Variants in FGF14 observed in about 807,000 individuals in gnomAD.
FGF14 encodes fibroblast growth factor 14.
FGF14 carries 5 observed loss-of-function variants against 25.5 expected under a neutral mutation model. The observed-to-expected ratio is 0.20, with a 90% CI of 0.10 to 0.41. FGF14 has a LOEUF of 0.41. Among genes scored for constraint, FGF14 ranks in the 10% least tolerant of loss-of-function variants. The probability of loss-of-function intolerance (pLI) is 1.00; values close to 1 mark genes in which losing one functional copy is unlikely to be tolerated. For missense variants in FGF14, 222 were observed against 320.1 expected (o/e 0.69, Z 2.34); for synonymous variants, 138 against 118.3 (o/e 1.17, Z -1.08).
intron 1 of FGF14, among the ~76,000 whole-genome samples, chr13:102,102,885 C>G (rs568522200): frequency 6.6e-6 from 1 of 152,120 alleles, no homozygotes; most frequent in African/African-American, 2.4e-5. Flanking sequence ...CCTTTCTCCC[C>G]GCAGTATACT....
intron 1 of FGF14, 88 bp downstream of exon 1, chr13:101,916,365 C>A: frequency 1.3e-6 from 2 of 1,525,592 alleles, no homozygotes; most frequent in Non-Finnish European, 1.8e-6. Flanking sequence ...GCCGGGAAAA[C>A]CGAGGGAGGG....
chr13:101,801,352 AT>A (rs10712042), intron 3 of FGF14, among the ~76,000 whole-genome samples: 4,593 of 151,412 alleles, frequency 0.03, 226 homozygotes, highest in African/African-American at 0.1. Flanking sequence ...GATGTTGACA[AT>A]TTTTTTTTTT....
At chr13:102,359,410 TTATCA>T (rs1180593164) in intron 1 of FGF14, among the ~76,000 whole-genome samples, 1 of 152,194 alleles carries the variant, frequency 6.6e-6, no homozygotes. Context: ...TCTTTCCATA[TTATCA>T]TAATTTTTAG....
chr13:101,742,703 A>C (rs1279718456), intron 3 of FGF14, among the ~76,000 whole-genome samples: 1 of 152,164 alleles, frequency 6.6e-6, no homozygotes, highest in Non-Finnish European at 1.5e-5. Context: ...CAAAATCACT[A>C]AGTCAAAGGG....
chr13:102,005,914 G>A (rs2039758275), intron 1 of FGF14, among the ~76,000 whole-genome samples: 1 of 152,194 alleles, frequency 6.6e-6, no homozygotes, highest in African/African-American at 2.4e-5. Flanking sequence ...TAAAGCAAAT[G>A]AGAGCTTGTT....
intron 1 of FGF14, among the ~76,000 whole-genome samples, chr13:102,038,146 A>T (rs1357855842): frequency 1.3e-5 from 2 of 152,196 alleles, no homozygotes; most frequent in Non-Finnish European, 2.9e-5. Flanking sequence ...CCAAGTTTAG[A>T]AATGCTCATA....
At chr13:101,829,671 T>C (rs1039783726) in intron 3 of FGF14, among the ~76,000 whole-genome samples, 5 of 152,042 alleles carry the variant, frequency 3.3e-5, no homozygotes, top group African/African-American at 1.2e-4. Flanking sequence ...AATACCAGGA[T>C]CTGCCAGAGT....
intron 1 of FGF14, among the ~76,000 whole-genome samples, chr13:102,001,964 G>T (rs764880682): frequency 3.3e-5 from 5 of 152,166 alleles, no homozygotes; most frequent in African/African-American, 7.2e-5. Context: ...CCTGGCTGGT[G>T]CTACAGGCAC....
chr13:102,003,634 G>A (rs770427783), intron 1 of FGF14, among the ~76,000 whole-genome samples: 13 of 148,006 alleles, frequency 8.8e-5, no homozygotes, highest in Non-Finnish European at 1.5e-4. Flanking sequence ...TTTTTGTTTG[G>A]TTTGCTTGTT....
At chr13:102,384,195 A>T (rs533135877) in intron 1 of FGF14, among the ~76,000 whole-genome samples, 44 of 152,300 alleles carry the variant, frequency 2.9e-4, no homozygotes, top group African/African-American at 1.0e-3. Context: ...GGTAGGAAAA[A>T]ATATTTATAA....
chr13:102,393,542 G>A (rs1229528595), intron 1 of FGF14, among the ~76,000 whole-genome samples: 2 of 152,116 alleles, frequency 1.3e-5, no homozygotes, highest in African/African-American at 4.8e-5. Context: ...CAATAGCATG[G>A]ATATGAGAGA....
chr13:102,192,493 A>C (rs1005766040), intron 1 of FGF14, among the ~76,000 whole-genome samples: 6 of 152,138 alleles, frequency 3.9e-5, no homozygotes, highest in African/African-American at 1.4e-4. Context: ...AAAACTTTCC[A>C]AATCTTCAAC....
At chr13:102,151,526 T>G (rs934763968) in intron 1 of FGF14, among the ~76,000 whole-genome samples, 1 of 152,090 alleles carries the variant, frequency 6.6e-6, no homozygotes, top group Non-Finnish European at 1.5e-5. Context: ...TGAGACAGAG[T>G]TTCACTCTTG....
chr13:102,348,696 C>A (rs2057184727), intron 1 of FGF14, among the ~76,000 whole-genome samples: 1 of 152,140 alleles, frequency 6.6e-6, no homozygotes, highest in South Asian at 2.1e-4. Context: ...AATATAAAAT[C>A]CCTCTCAGCC....
intron 1 of FGF14, among the ~76,000 whole-genome samples, chr13:102,092,070 T>C (rs945897540): frequency 1.3e-5 from 2 of 152,176 alleles, no homozygotes; most frequent in Non-Finnish European, 2.9e-5. Context: ...GACACATTGG[T>C]GGCTGGGAAG....
At chr13:101,757,363 AT>A (rs1421245771) in intron 3 of FGF14, among the ~76,000 whole-genome samples, 1 of 152,224 alleles carries the variant, frequency 6.6e-6, no homozygotes, top group African/African-American at 2.4e-5. Flanking sequence ...TATATTTTGA[AT>A]TGGAATTGAA....
intron 1 of FGF14, among the ~76,000 whole-genome samples, chr13:101,904,044 C>G (rs972628829): frequency 2.6e-5 from 4 of 152,146 alleles, no homozygotes; most frequent in African/African-American, 9.7e-5. Flanking sequence ...GTTCTAAGAT[C>G]TAATTCATGA....
chr13:102,197,407 G>T (rs952587667), intron 1 of FGF14, among the ~76,000 whole-genome samples: 3 of 151,984 alleles, frequency 2.0e-5, no homozygotes, highest in Admixed American at 6.6e-5. Context: ...CTCTAGGTGG[G>T]GCTCTTGCTT....
intron 1 of FGF14, among the ~76,000 whole-genome samples, chr13:102,234,542 T>C (rs1347629081): frequency 6.6e-6 from 1 of 152,238 alleles, no homozygotes; most frequent in African/African-American, 2.4e-5. Context: ...ATGGTTAAGA[T>C]GGCACATTTT....
Sources: allele counts gnomAD v4.1 joint callset (sites outside exome capture counted in the v4.1 genomes callset), GRCh38; gene constraint gnomAD v4.1.1; transcripts MANE v1.5; gene names NCBI Gene and HGNC (gene_info 2026-07-23, HGNC 2026-07-21).